SCN8A: variants seen among roughly 807,000 people sequenced by gnomAD.
SCN8A encodes the protein sodium voltage-gated channel alpha subunit 8.
A neutral mutation model predicts 184.1 loss-of-function variants in SCN8A; 30 were observed. The observed-to-expected ratio is 0.16, with a 90% CI of 0.12 to 0.22. The LOEUF (loss-of-function observed/expected upper bound fraction) is 0.22. SCN8A is among the 10% of genes least tolerant of loss of function. The pLI is 1.00. For missense variants in SCN8A, 1,057 were observed against 2,498.9 expected (o/e 0.42, Z 12.30); for synonymous variants, 852 against 907.0 (o/e 0.94, Z 1.09).
intron 18 of SCN8A, 31 bp from the exon 19 acceptor site, chr12:51,770,498 C>A (rs755488991): frequency 1.6e-5 from 24 of 1,539,498 alleles, no homozygotes; most frequent in Non-Finnish European, 1.9e-5. Context: ...CACGTTTCCA[C>A]GGTCTGACCC....
chr12:51,758,858 C>T (rs759810244), intron 14 of SCN8A, among the ~76,000 whole-genome samples: 5 of 152,114 alleles, frequency 3.3e-5, no homozygotes, highest in African/African-American at 4.8e-5. Context: ...CAGATATGTA[C>T]AGTAGTCCTC....
At chr12:51,761,795 AGAATTTTAT>A (rs1205400533) in intron 14 of SCN8A, among the ~76,000 whole-genome samples, 1 of 152,140 alleles carries the variant, frequency 6.6e-6, no homozygotes, top group East Asian at 1.9e-4. Flanking sequence ...AGCCGCCAGT[AGAATTTTAT>A]ACAGGCAGTA....
chr12:51,651,093 C>T (rs138198909), intron 1 of SCN8A, among the ~76,000 whole-genome samples: 1,600 of 152,246 alleles, frequency 0.011, 11 homozygotes, highest in Middle Eastern at 0.027. Context: ...TGCCTTTAAG[C>T]GGTTTTCCAC....
intron 9 of SCN8A, 61 bp downstream of exon 9, chr12:51,702,975 A>T: frequency 6.8e-7 from 1 of 1,461,976 alleles, no homozygotes; most frequent in Middle Eastern, 1.8e-4. Flanking sequence ...GGGGTTGGGG[A>T]CCTTCTGTGT....
chr12:51,700,384 CT>C (rs1296805092), intron 7 of SCN8A, among the ~76,000 whole-genome samples: 3 of 152,026 alleles, frequency 2.0e-5, no homozygotes, highest in Admixed American at 2.0e-4. Context: ...ATTTTTTTCC[CT>C]AGCTGAGTTA....
chr12:51,660,587 A>T (rs1456208350), intron 1 of SCN8A, among the ~76,000 whole-genome samples: 7 of 152,240 alleles, frequency 4.6e-5, no homozygotes, highest in African/African-American at 1.7e-4. Flanking sequence ...TTCAGCAATG[A>T]TTAAGTGCCA....
intron 3 of SCN8A, among the ~76,000 whole-genome samples, chr12:51,685,662 G>C (rs1432182582): frequency 6.6e-6 from 1 of 152,178 alleles, no homozygotes; most frequent in Non-Finnish European, 1.5e-5. Flanking sequence ...GCCGCAGCTG[G>C]TTTCCCACAT....
chr12:51,797,977 G>C (rs569696921), intron 26 of SCN8A, among the ~76,000 whole-genome samples: 1 of 152,224 alleles, frequency 6.6e-6, no homozygotes, highest in Admixed American at 6.5e-5. Flanking sequence ...GGGGTGATGG[G>C]GAGTGGTGCC....
At chr12:51,610,024 G>A (rs1038172012) in intron 1 of SCN8A, among the ~76,000 whole-genome samples, 11 of 151,374 alleles carry the variant, frequency 7.3e-5, no homozygotes, top group Admixed American at 7.2e-4. Context: ...ACAAAAATAA[G>A]CCGGGCATGG....
chr12:51,758,407 A>G (rs1942710121), intron 14 of SCN8A, among the ~76,000 whole-genome samples: 2 of 152,150 alleles, frequency 1.3e-5, no homozygotes, highest in Non-Finnish European at 2.9e-5. Flanking sequence ...ACATTTTGCA[A>G]GTCTCTTTAA....
At position 51,620,952 on chromosome 12, in the gene SCN8A, A is replaced by T. The variant is rs566699083; in HGVS notation, c.-55+29593A>T. On this transcript the variant is annotated intron_variant, in intron 1 of 26. Coordinates refer to ENST00000627620, the MANE Select transcript of SCN8A (RefSeq NM_001330260.2). ...TAGTGAGCCATGGTTACACCACTGC[A>T]TTCCAGCCTGGGTGACAGAGTGAGA... is the stretch of plus-strand genomic sequence containing the variant. Among the ~76,000 whole-genome samples, 6 of 152,262 alleles carry T rather than the reference A, an allele frequency of 3.9e-5. No homozygotes were observed. The East Asian group carries it at 9.6e-4, about 24-fold the overall frequency.
chr12:51,690,296 T>C (rs1024398136), intron 6 of SCN8A, among the ~76,000 whole-genome samples: 1 of 152,178 alleles, frequency 6.6e-6, no homozygotes, highest in Non-Finnish European at 1.5e-5. Flanking sequence ...CCTATTCTTA[T>C]CCTATTCCTA....
At chr12:51,798,118 T>C (rs1207819623) in intron 26 of SCN8A, among the ~76,000 whole-genome samples, 1 of 152,182 alleles carries the variant, frequency 6.6e-6, no homozygotes, top group Non-Finnish European at 1.5e-5. Context: ...TGCAAAGTAT[T>C]GTTACCTAGT....
chr12:51,774,170 G>A lies in SCN8A; in HGVS notation c.3646-19G>A, dbSNP rs745453142. On this transcript the variant is annotated intron_variant, in intron 19 of 26. Coordinates refer to ENST00000627620, the MANE Select transcript of SCN8A (RefSeq NM_001330260.2). Reference sequence around the variant, plus strand: ...TTGCCTTTAGGCACTGTCATAGGCAGCTGCTGCCTCTCTTTTAGGCCTTCG... The same window carrying A: ...TTGCCTTTAGGCACTGTCATAGGCAACTGCTGCCTCTCTTTTAGGCCTTCG... 1 of 1,612,468 alleles carries A rather than the reference G, an allele frequency of 6.2e-7. No individual in the cohort carries two copies. Among genetic ancestry groups the A allele is most frequent in the South Asian group, 1.1e-5 (1 of 90,850 alleles).
intron 1 of SCN8A, among the ~76,000 whole-genome samples, chr12:51,604,436 G>C (rs1349318723): frequency 6.6e-6 from 1 of 151,882 alleles, no homozygotes; most frequent in African/African-American, 2.4e-5. Flanking sequence ...GTGTGTCTGC[G>C]CCTTCCTCAA....
chr12:51,735,641 G>T (rs1355004850), intron 12 of SCN8A, among the ~76,000 whole-genome samples: 1 of 152,090 alleles, frequency 6.6e-6, no homozygotes, highest in Non-Finnish European at 1.5e-5. Flanking sequence ...CTCCATCTCT[G>T]ACAGCTTCTT....
At chr12:51,662,141 A>T (rs1168081782) in intron 1 of SCN8A, among the ~76,000 whole-genome samples, 5 of 152,210 alleles carry the variant, frequency 3.3e-5, no homozygotes, top group South Asian at 2.1e-4. Context: ...TCTGAGCTTG[A>T]TGGTTGAAGA....
chr12:51,648,342 A>G (rs1192412285), intron 1 of SCN8A, among the ~76,000 whole-genome samples: 1 of 152,198 alleles, frequency 6.6e-6, no homozygotes, highest in Non-Finnish European at 1.5e-5. Context: ...AGCTGGGACT[A>G]TAGGCATGCC....
chr12:51,624,404 T>C (rs1295670025), intron 1 of SCN8A, among the ~76,000 whole-genome samples: 3 of 152,238 alleles, frequency 2.0e-5, no homozygotes, highest in Non-Finnish European at 4.4e-5. Flanking sequence ...GCTGCATAAA[T>C]GTCTTCTTTT....
Sources: allele counts gnomAD v4.1 joint callset (sites outside exome capture counted in the v4.1 genomes callset), GRCh38; gene constraint gnomAD v4.1.1; transcripts MANE v1.5; gene names NCBI Gene and HGNC (gene_info 2026-07-23, HGNC 2026-07-21).